The following CHD1L variants were observed in gnomAD, a reference collection of about 807,000 sequenced individuals.
The protein encoded by CHD1L is ATP-dependent chromatin remodeler CHD1L.
CHD1L carries 118 observed loss-of-function variants against 115.9 expected under a neutral mutation model. The ratio of observed to expected loss-of-function variants is 1.02; its 90% CI spans 0.88 to 1.19. CHD1L has a LOEUF of 1.19. Among genes scored for constraint, CHD1L ranks in the 50% most tolerant of loss-of-function variants. CHD1L has a pLI of 0.00. For missense variants in CHD1L, 1,179 were observed against 1,065.3 expected (o/e 1.11, Z -1.49); for synonymous variants, 411 against 387.1 (o/e 1.06, Z -0.72).
At chr1:147,174,575 TAAC>T in the CHD1L span, 2 of 152,238 alleles carry the variant, frequency 1.3e-5, no homozygotes, top group Admixed American at 6.5e-5. Flanking sequence ...TGCTCTGCTC[TAAC>T]AACATTTGTA....
At chr1:147,227,517 A>C in the CHD1L span, among the ~76,000 whole-genome samples, 1 of 152,220 alleles carries the variant, frequency 6.6e-6, no homozygotes, top group South Asian at 2.1e-4. Context: ...TATTAAAATT[A>C]CTTATACAAT....
At chr1:147,194,365 T>G in the CHD1L span, among the ~76,000 whole-genome samples, 2 of 152,146 alleles carry the variant, frequency 1.3e-5, no homozygotes, top group African/African-American at 4.8e-5. Context: ...GCTTGGTAGA[T>G]CTTCCTCCAT....
chr1:147,294,307 G>A, intron 21 of CHD1L, 102 bp from the exon 22 acceptor site: 1 of 660,024 alleles, frequency 1.5e-6, no homozygotes, highest in Non-Finnish European at 2.4e-6. Context: ...ATAATTATGG[G>A]CTTTGAGGGA....
chr1:147,243,265 T>C (rs1665417712), intron 1 of CHD1L, among the ~76,000 whole-genome samples: 1 of 152,138 alleles, frequency 6.6e-6, no homozygotes, highest in Non-Finnish European at 1.5e-5. Flanking sequence ...CAGCTTCAGC[T>C]TCTCCGTTTA....
the CHD1L span, among the ~76,000 whole-genome samples, chr1:147,237,342 G>A: frequency 1.3e-5 from 2 of 152,162 alleles, no homozygotes; most frequent in Non-Finnish European, 2.9e-5. Context: ...GCACCCAGGA[G>A]GGTGGGGCTC....
chr1:147,247,241 T>C (rs1259433533), intron 1 of CHD1L, among the ~76,000 whole-genome samples: 1 of 152,182 alleles, frequency 6.6e-6, no homozygotes, highest in African/African-American at 2.4e-5. Flanking sequence ...TGCTTTAGTT[T>C]GGATATGGAT....
chr1:147,226,515 T>C, the CHD1L span, among the ~76,000 whole-genome samples: 1 of 152,200 alleles, frequency 6.6e-6, no homozygotes, highest in African/African-American at 2.4e-5. Flanking sequence ...ATGTAACTTT[T>C]CAAATATAAA....
At chr1:147,291,612 G>A in intron 20 of CHD1L, 60 bp downstream of exon 20, 1 of 1,400,122 alleles carries the variant, frequency 7.1e-7, no homozygotes. Flanking sequence ...TTCTCTTGAA[G>A]TGTCCCCTGC....
the CHD1L span, chr1:147,174,395 A>G: frequency 6.6e-6 from 1 of 152,236 alleles, no homozygotes; most frequent in Non-Finnish European, 1.5e-5. Context: ...ATGCCAAATA[A>G]TATGTCCTTG....
the CHD1L span, chr1:147,179,537 T>C: frequency 2.5e-6 from 4 of 1,586,912 alleles, no homozygotes; most frequent in African/African-American, 5.4e-5. Context: ...AATTAAGTGA[T>C]TTTATTAGCT....
intron 15 of CHD1L, among the ~76,000 whole-genome samples, chr1:147,280,780 AT>A (rs2102832957): frequency 6.6e-6 from 1 of 152,136 alleles, no homozygotes; most frequent in African/African-American, 2.4e-5. Flanking sequence ...ATTTGAAGTA[AT>A]TTTTCACATG....
the CHD1L span, among the ~76,000 whole-genome samples, chr1:147,202,216 T>C: frequency 1.3e-5 from 2 of 151,756 alleles, no homozygotes; most frequent in Non-Finnish European, 2.9e-5. Context: ...CTGGAAACAT[T>C]GGGTTGGTGC....
At chr1:147,228,580 G>A in the CHD1L span, among the ~76,000 whole-genome samples, 26 of 152,050 alleles carry the variant, frequency 1.7e-4, 1 homozygote, top group Admixed American at 2.0e-4. Context: ...CTGAGGAATC[G>A]CCACACTGAC....
chr1:147,248,825 T>C (rs370911854), intron 1 of CHD1L, among the ~76,000 whole-genome samples: 1 of 152,210 alleles, frequency 6.6e-6, no homozygotes, highest in East Asian at 1.9e-4. Flanking sequence ...GAAACATTAC[T>C]TCCCTTTATA....
the CHD1L span, chr1:147,184,580 T>C: frequency 1.9e-6 from 3 of 1,548,828 alleles, no homozygotes. This position sits in a 1 kb window ranked among gnomAD's most constrained non-coding sequence, Gnocchi z 4.4. Flanking sequence ...GTCAGGTATT[T>C]GTAGAATATT....
chr1:147,281,185 C>T (rs587681580), intron 15 of CHD1L, among the ~76,000 whole-genome samples: 20 of 152,294 alleles, frequency 1.3e-4, no homozygotes, highest in African/African-American at 4.8e-4. Flanking sequence ...TCATACCTTC[C>T]CTTCTGTTCA....
At chr1:147,196,619 A>T in the CHD1L span, among the ~76,000 whole-genome samples, 1 of 152,096 alleles carries the variant, frequency 6.6e-6, no homozygotes, top group African/African-American at 2.4e-5. Flanking sequence ...TTTTAAAAAG[A>T]TGTATACATC....
chr1:147,201,033 C>T, the CHD1L span: 1 of 729,430 alleles, frequency 1.4e-6, no homozygotes, highest in Non-Finnish European at 2.3e-6. Flanking sequence ...TCTGTACTAA[C>T]TTTGTGCTAG....
At chr1:147,267,037 A>T (rs587683581) in intron 8 of CHD1L, among the ~76,000 whole-genome samples, 1 of 152,304 alleles carries the variant, frequency 6.6e-6, no homozygotes, top group African/African-American at 2.4e-5. Context: ...TATTTAAGAG[A>T]GTGCAAAACT....
Sources: gnomAD v4.1 joint callset for allele counts (sites outside exome capture counted in the v4.1 genomes callset) on GRCh38, gnomAD v4.1.1 for gene constraint, Gnocchi (gnomAD v3.1) non-coding constraint, MANE v1.5 for transcripts, NCBI Gene and HGNC (gene_info 2026-07-23, HGNC 2026-07-21) for gene names.